TNIK: variants seen among roughly 807,000 people sequenced by gnomAD.
TNIK encodes TRAF2 and NCK interacting kinase.
TNIK carries 49 observed loss-of-function variants against 191.3 expected under a neutral mutation model. The observed-to-expected ratio is 0.26, with a 90% CI of 0.20 to 0.32. TNIK has a LOEUF of 0.32. Ranked by LOEUF, TNIK falls within the 10% of genes least tolerant of loss-of-function variation. TNIK has a pLI of 1.00. For synonymous variants in TNIK, 594 were observed against 600.9 expected (o/e 0.99, Z 0.17); for missense variants, 1,155 against 1,702.3 (o/e 0.68, Z 5.66).
At chr3:171,213,766 C>T (rs1266038334) in intron 3 of TNIK, among the ~76,000 whole-genome samples, 1 of 151,994 alleles carries the variant, frequency 6.6e-6, no homozygotes, top group Non-Finnish European at 1.5e-5. Flanking sequence ...AGATGGGGTG[C>T]ATGTTGAGTT....
intron 1 of TNIK, among the ~76,000 whole-genome samples, chr3:171,453,886 C>A (rs987871426): frequency 8.5e-5 from 13 of 152,168 alleles, no homozygotes; most frequent in African/African-American, 3.1e-4. Context: ...AATCATGTTT[C>A]TCTAAAGGGA....
chr3:171,190,049 A>G (rs1488212752), intron 6 of TNIK, among the ~76,000 whole-genome samples: 1 of 152,184 alleles, frequency 6.6e-6, no homozygotes, highest in Non-Finnish European at 1.5e-5. Context: ...ATCCTACTGG[A>G]TATTTGTCAA....
At chr3:171,372,486 C>T (rs572704442) in intron 1 of TNIK, among the ~76,000 whole-genome samples, 11 of 152,258 alleles carry the variant, frequency 7.2e-5, no homozygotes, top group Admixed American at 5.9e-4. Context: ...CTGGACTGAG[C>T]CAAAGGAAGA....
chr3:171,440,859 A>G (rs1180716234), intron 1 of TNIK, among the ~76,000 whole-genome samples: 1 of 152,194 alleles, frequency 6.6e-6, no homozygotes, highest in Non-Finnish European at 1.5e-5. Flanking sequence ...AACATTAAGA[A>G]AACAGAAAGA....
intron 21 of TNIK, among the ~76,000 whole-genome samples, chr3:171,105,359 A>C (rs1724626239): frequency 6.6e-6 from 1 of 152,210 alleles, no homozygotes; most frequent in Admixed American, 6.5e-5. Context: ...TATCCACAAG[A>C]TGCCAGTACC....
chr3:171,365,277 C>G (rs4894420), intron 2 of TNIK, among the ~76,000 whole-genome samples: 130,337 of 149,032 alleles, frequency 0.87, 57,113 homozygotes, highest in Non-Finnish European at 0.92. Context: ...CTGCCTCCCT[C>G]GTTCAAGTGA....
At chr3:171,332,671 A>G (rs895110696) in intron 2 of TNIK, among the ~76,000 whole-genome samples, 5 of 152,228 alleles carry the variant, frequency 3.3e-5, no homozygotes, top group Non-Finnish European at 5.9e-5. Flanking sequence ...TGATTCAGCT[A>G]TAACCTGAAG....
chr3:171,311,233 C>A (rs1443681686), intron 2 of TNIK, among the ~76,000 whole-genome samples: 1 of 152,108 alleles, frequency 6.6e-6, no homozygotes, highest in African/African-American at 2.4e-5. Context: ...ATGATGAGAA[C>A]CTTTTTCACT....
chr3:171,229,614 TC>T lies in TNIK; in HGVS notation c.124-1394del, dbSNP rs544531305. ...CCTTTCCCTTTTTCTACTACTTTTCTCCCTTACTAACCTAATTTTCCCCACT... is the reference window on the plus strand; with the variant it reads ...CCTTTCCCTTTTTCTACTACTTTTCTCCTTACTAACCTAATTTTCCCCACT... On this transcript the variant is annotated intron_variant, in intron 2 of 32. Coordinates refer to ENST00000436636, the MANE Select transcript of TNIK (RefSeq NM_015028.4). Among the ~76,000 whole-genome samples, 1,405 of 152,326 alleles carry T rather than the reference TC, an allele frequency of 9.2e-3. 16 individuals carry two copies. The highest frequency in any genetic ancestry group is 0.014 in the Non-Finnish European group (955 of 68,034).
chr3:171,223,115 C>T (rs528945469), intron 3 of TNIK, among the ~76,000 whole-genome samples: 20 of 152,242 alleles, frequency 1.3e-4, no homozygotes, highest in Admixed American at 1.3e-4. Flanking sequence ...CTTGTATCAA[C>T]GCCTTCTTGG....
At chr3:171,368,195 T>C (rs1318954950) in intron 2 of TNIK, among the ~76,000 whole-genome samples, 1 of 152,178 alleles carries the variant, frequency 6.6e-6, no homozygotes, top group East Asian at 1.9e-4. Flanking sequence ...CTGTGAAATG[T>C]CTCCCAAATG....
At chr3:171,145,645 T>C (rs1731458821) in intron 12 of TNIK, among the ~76,000 whole-genome samples, 1 of 152,242 alleles carries the variant, frequency 6.6e-6, no homozygotes, top group South Asian at 2.1e-4. Context: ...ATTGGCTATG[T>C]AGAATTTTTG....
intron 24 of TNIK, among the ~76,000 whole-genome samples, chr3:171,086,810 C>A (rs61791154): frequency 0.099 from 15,027 of 152,178 alleles, 863 homozygotes; most frequent in African/African-American, 0.14. Flanking sequence ...GGCTGTTTCT[C>A]TACAGGAAAG....
intron 2 of TNIK, among the ~76,000 whole-genome samples, chr3:171,301,408 G>A (rs1752864130): frequency 6.6e-6 from 1 of 150,490 alleles, no homozygotes; most frequent in African/African-American, 2.4e-5. Flanking sequence ...TCCACCTCCT[G>A]GGTTCAAGCG....
At chr3:171,325,032 C>T (rs1032053057) in intron 2 of TNIK, among the ~76,000 whole-genome samples, 3 of 151,936 alleles carry the variant, frequency 2.0e-5, no homozygotes, top group Admixed American at 6.6e-5. Context: ...ATCCAGGAGG[C>T]GGAGCTTGCA....
chr3:171,441,043 G>C (rs1245862747), intron 1 of TNIK, among the ~76,000 whole-genome samples: 1 of 152,178 alleles, frequency 6.6e-6, no homozygotes, highest in African/African-American at 2.4e-5. Context: ...AAAATACGTA[G>C]AAAGCAGAAG....
At chr3:171,135,427 G>A (rs553168207) in intron 15 of TNIK, among the ~76,000 whole-genome samples, 19 of 152,268 alleles carry the variant, frequency 1.2e-4, no homozygotes, top group African/African-American at 3.6e-4. Context: ...TTTGTACATC[G>A]ATTGCTCCAG....
chr3:171,373,488 C>T (rs1487482850), intron 1 of TNIK, among the ~76,000 whole-genome samples: 1 of 152,178 alleles, frequency 6.6e-6, no homozygotes, highest in East Asian at 1.9e-4. Context: ...ACTCCATTCA[C>T]ACAACAGGCT....
At chr3:171,079,446 AG>A in intron 28 of TNIK, 71 bp downstream of exon 28, 1 of 1,523,734 alleles carries the variant, frequency 6.6e-7, no homozygotes, top group Non-Finnish European at 8.8e-7. Flanking sequence ...AGAAAAAACT[AG>A]GTGAAACCTA....
Sources: gnomAD v4.1 joint callset for allele counts (sites outside exome capture counted in the v4.1 genomes callset) on GRCh38, gnomAD v4.1.1 for gene constraint, MANE v1.5 for transcripts, NCBI Gene and HGNC (gene_info 2026-07-23, HGNC 2026-07-21) for gene names.